XKR4: variants seen among roughly 807,000 people sequenced by gnomAD.
XKR4 encodes the protein XK related 4, also known as XK-related protein 4.
A neutral mutation model predicts 53.9 loss-of-function variants in XKR4; 12 were observed. The observed-to-expected ratio is 0.22, with a 90% CI of 0.14 to 0.36. The LOEUF (loss-of-function observed/expected upper bound fraction) is 0.36, where lower values mean the gene tolerates loss of function less well. Ranked by LOEUF, XKR4 falls within the 10% of genes least tolerant of loss-of-function variation. XKR4 has a pLI of 1.00. For missense variants in XKR4, 799 were observed against 859.5 expected, an observed-to-expected ratio of 0.93 and a Z score of 0.88; for synonymous variants, 354 against 362.4, an observed-to-expected ratio of 0.98 and a Z score of 0.26.
intron 1 of XKR4, among the ~76,000 whole-genome samples, chr8:55,170,087 G>A (rs1461639565): frequency 1.3e-5 from 2 of 152,102 alleles, no homozygotes; most frequent in East Asian, 1.9e-4. Context: ...TATTCTTTAT[G>A]TACTTCAACC....
chr8:55,340,111 A>T (rs1803520844), intron 1 of XKR4, among the ~76,000 whole-genome samples: 1 of 152,212 alleles, frequency 6.6e-6, no homozygotes, highest in African/African-American at 2.4e-5. Context: ...ATTGGCTAGG[A>T]GGCACTGGTT....
At chr8:55,189,851 G>A (rs919679381) in intron 1 of XKR4, among the ~76,000 whole-genome samples, 1 of 152,168 alleles carries the variant, frequency 6.6e-6, no homozygotes, top group Admixed American at 6.6e-5. Flanking sequence ...GAAAAGGAGA[G>A]GGAATTAGAA....
rs184050292 is a variant in XKR4, at chr8:55,461,227, T to G, written c.1007-62054T>G. On this transcript the variant is annotated intron_variant, in intron 2 of 2. Coordinates refer to ENST00000327381, the MANE Select transcript of XKR4 (RefSeq NM_052898.2). ...AGCCTAACTGGAAGGCACCCCCCAG[T>G]AGGGGCGGACTGACACCTCACAAAG... is the stretch of plus-strand genomic sequence containing the variant. Among the ~76,000 whole-genome samples, 335 of 152,276 alleles carry G rather than the reference T, an allele frequency of 2.2e-3. 2 individuals are homozygous for G. The highest frequency in any genetic ancestry group is 1.4e-3 in the Non-Finnish European group (98 of 68,014).
intron 2 of XKR4, among the ~76,000 whole-genome samples, chr8:55,381,829 TC>T (rs765296851): frequency 3.3e-5 from 5 of 152,250 alleles, no homozygotes; most frequent in Non-Finnish European, 5.9e-5. Context: ...TAGAAACACT[TC>T]CCCCTCTATC....
intron 2 of XKR4, among the ~76,000 whole-genome samples, chr8:55,462,021 G>A (rs145260660): frequency 0.01 from 1,536 of 152,310 alleles, 9 homozygotes; most frequent in Middle Eastern, 0.031. Flanking sequence ...AAGTGACGGG[G>A]AGAATGGAAC....
intron 2 of XKR4, chr8:55,454,261 C>A: frequency 1.5e-6 from 2 of 1,292,834 alleles, no homozygotes; most frequent in Non-Finnish European, 2.2e-6. Context: ...CAGCTACAAT[C>A]ACGTCTAGCA....
At chr8:55,281,439 G>A (rs921977018) in intron 1 of XKR4, among the ~76,000 whole-genome samples, 1 of 152,180 alleles carries the variant, frequency 6.6e-6, no homozygotes, top group African/African-American at 2.4e-5. Context: ...CATAGGGAGA[G>A]GGAAGAGGAG....
intron 1 of XKR4, among the ~76,000 whole-genome samples, chr8:55,116,975 C>T (rs776402340): frequency 6.6e-6 from 1 of 152,096 alleles, no homozygotes; most frequent in Non-Finnish European, 1.5e-5. Context: ...CCCAAGGGAT[C>T]TTAAAAGACT....
At position 55,538,102 on chromosome 8, in the gene XKR4, T is replaced by C. The variant is rs2129407480; in HGVS notation, c.*13875T>C. ...AAATATGTTATTCTACAAAACAATA[T>C]CCTTTTACACTATGGGATGGATTCC... On this transcript the variant is annotated 3_prime_UTR_variant, in exon 3 of 3. Coordinates refer to ENST00000327381, the MANE Select transcript of XKR4 (RefSeq NM_052898.2). 6.6e-6 allele frequency: 1 copy of C among 152,326 alleles called. No individual in the cohort carries two copies. Among genetic ancestry groups the C allele is most frequent in the South Asian group, 2.1e-4 (1 of 4,826 alleles). The allele number at this position is 152,326 out of a possible 1,614,324, so 9.4% of individuals were successfully genotyped here.
intron 1 of XKR4, among the ~76,000 whole-genome samples, chr8:55,328,768 C>A (rs1034953206): frequency 6.6e-6 from 1 of 152,194 alleles, no homozygotes; most frequent in Admixed American, 6.5e-5. Flanking sequence ...GCACTGCCTG[C>A]AGCTCCCTTC....
intron 1 of XKR4, among the ~76,000 whole-genome samples, chr8:55,104,772 A>G (rs1268949309): frequency 6.6e-6 from 1 of 152,206 alleles, no homozygotes; most frequent in Non-Finnish European, 1.5e-5. Flanking sequence ...TTGGACTCAA[A>G]GTAACTTTTT....
intron 1 of XKR4, among the ~76,000 whole-genome samples, chr8:55,189,376 GC>G (rs1368047500): frequency 3.9e-5 from 6 of 152,152 alleles, no homozygotes; most frequent in African/African-American, 1.4e-4. Flanking sequence ...TCAATGAACG[GC>G]GGGGATACAT....
chr8:55,399,813 G>T (rs1804573302), intron 2 of XKR4, among the ~76,000 whole-genome samples: 1 of 152,220 alleles, frequency 6.6e-6, no homozygotes, highest in East Asian at 1.9e-4. Flanking sequence ...GAAGAGGGGA[G>T]TGGTCAGAAG....
In XKR4 at chr8:55,522,706, A is replaced by C. The variant is rs188733120; in HGVS notation, c.1007-575A>C. Among the ~76,000 whole-genome samples the C allele has an allele frequency of 2.2e-3, 338 of 152,288 alleles. 4 individuals carry two copies. Among genetic ancestry groups the C allele is most frequent in the African/African-American group, 7.5e-3 (310 of 41,566 alleles). ...AGGTCATGAGGGTAGTAAGTGGCAA[A>C]GTTGAAGCAACAACCCAGTTCTGAC... On this transcript the variant is annotated intron_variant, in intron 2 of 2. Coordinates refer to ENST00000327381, the MANE Select transcript of XKR4 (RefSeq NM_052898.2).
chr8:55,386,197 G>A (rs1804312310), intron 2 of XKR4, among the ~76,000 whole-genome samples: 1 of 152,092 alleles, frequency 6.6e-6, no homozygotes, highest in Admixed American at 6.5e-5. Flanking sequence ...CACATCCTCG[G>A]GGAGCCCTTC....
chr8:55,414,476 GA>G (rs1804817310), intron 2 of XKR4, among the ~76,000 whole-genome samples: 1 of 149,882 alleles, frequency 6.7e-6, no homozygotes. Context: ...AATAGATTAT[GA>G]ATTGTATATA....
chr8:55,442,550 T>C (rs930866999), intron 2 of XKR4, among the ~76,000 whole-genome samples: 1 of 152,172 alleles, frequency 6.6e-6, no homozygotes, highest in East Asian at 1.9e-4. Flanking sequence ...GCATTATTCA[T>C]AACAGCCAAA....
chr8:55,186,525 A>G lies in XKR4; in HGVS notation c.806+83231A>G, dbSNP rs1230375807. ...AAAAAAAATAGCCGGGCATGGTGGC[A>G]GGCGCTTGTAGCCCCAGCTACTCAG... On this transcript the variant is annotated intron_variant, in intron 1 of 2. Transcript: ENST00000327381. 3.3e-5 allele frequency among the ~76,000 whole-genome samples: 5 copies of G among 151,948 alleles called. 1 individual carries two copies. The highest frequency in any genetic ancestry group is 7.4e-5 in the Non-Finnish European group (5 of 67,972).
intron 2 of XKR4, among the ~76,000 whole-genome samples, chr8:55,365,544 A>G (rs1803967262): frequency 6.6e-6 from 1 of 152,070 alleles, no homozygotes; most frequent in Admixed American, 6.5e-5. Context: ...GGCTCTACTA[A>G]AATTACAAAA....
Sources: allele counts gnomAD v4.1 joint callset (sites outside exome capture counted in the v4.1 genomes callset), GRCh38; gene constraint gnomAD v4.1.1; transcripts MANE v1.5; gene names NCBI Gene and HGNC (gene_info 2026-07-23, HGNC 2026-07-21).